The following MYO5B variants were observed in gnomAD, a reference collection of about 807,000 sequenced individuals.
MYO5B encodes the protein myosin VB.
A neutral mutation model predicts 229.3 loss-of-function variants in MYO5B; 143 were observed. The ratio of observed to expected loss-of-function variants is 0.62; its 90% CI spans 0.54 to 0.72. MYO5B has a LOEUF of 0.72. Ranked by LOEUF, MYO5B falls within the 30% of genes least tolerant of loss-of-function variation. The pLI is 0.00. For synonymous variants in MYO5B, 918 were observed against 885.2 expected (o/e 1.04, Z -0.66); for missense variants, 2,321 against 2,331.0 (o/e 1.00, Z 0.09).
At chr18:50,158,771 T>G (rs574463508) in intron 1 of MYO5B, among the ~76,000 whole-genome samples, 31 of 152,144 alleles carry the variant, frequency 2.0e-4, no homozygotes, top group Non-Finnish European at 4.1e-4. Context: ...CCCATTATGG[T>G]CTCCCTAAGG....
intron 22 of MYO5B, among the ~76,000 whole-genome samples, chr18:49,882,210 C>A (rs559023698): frequency 6.6e-6 from 1 of 152,274 alleles, no homozygotes; most frequent in Admixed American, 6.5e-5. Context: ...GCTGGCTGAT[C>A]CGTCACCATT....
chr18:49,919,878 G>T (rs1268842327), intron 17 of MYO5B, among the ~76,000 whole-genome samples: 1 of 152,190 alleles, frequency 6.6e-6, no homozygotes, highest in Admixed American at 6.5e-5. Flanking sequence ...GTTCATAGCA[G>T]CATTCTTACT....
At chr18:50,003,755 A>G (rs1724495232) in intron 4 of MYO5B, among the ~76,000 whole-genome samples, 3 of 152,242 alleles carry the variant, frequency 2.0e-5, no homozygotes, top group Admixed American at 2.0e-4. Context: ...TTGTGTGTTC[A>G]GCCCCAGATA....
intron 4 of MYO5B, among the ~76,000 whole-genome samples, chr18:50,006,553 A>G (rs571072823): frequency 6.6e-6 from 1 of 152,228 alleles, no homozygotes; most frequent in South Asian, 2.1e-4. Flanking sequence ...CCTGACAACC[A>G]ACACATCCAC....
In MYO5B at chr18:49,885,506, G is replaced by A. The variant is rs141881910; in HGVS notation, c.3046-5051C>T. On this transcript the variant is annotated intron_variant, in intron 22 of 39. Coordinates refer to ENST00000285039, the MANE Select transcript of MYO5B (RefSeq NM_001080467.3). The stretch of plus-strand genomic sequence containing the variant: ...TAAAACCCAGAGAGGTGGCCCTAGG[G>A]ATATGGACTAAACCAGCAGAAGCCT... Among the ~76,000 whole-genome samples, 182 of 152,266 alleles carry A rather than the reference G, an allele frequency of 1.2e-3. 2 individuals carry two copies. Among genetic ancestry groups the A allele is most frequent in the African/African-American group, 4.2e-3 (175 of 41,538 alleles).
Position 49,937,818 on chromosome 18 carries a change from G to A in MYO5B, c.1753-421C>T, listed in dbSNP as rs943878467. Among the ~76,000 whole-genome samples, 5 of 151,310 alleles carry A rather than the reference G, an allele frequency of 3.3e-5. No homozygotes were observed. The East Asian group carries it at 9.8e-4, about 30-fold the overall frequency. On this transcript the variant is annotated intron_variant, in intron 14 of 39. Coordinates refer to ENST00000285039, the MANE Select transcript of MYO5B (RefSeq NM_001080467.3). ...TTATTGGTTGCTAGGGGTTGGGGGA[G>A]AAAGGGGAAGAGGAAGGGGAAGAAG...
chr18:49,836,731 T>C lies in MYO5B; in HGVS notation c.5293A>G (p.Thr1765Ala). ...TGTACCTGCTGGGTGCTGAGGGAGG[T>C]ACACAGGGAGCAGATAGCCTCTGCG... ...EDAEAICSLC[T>A]SLSTQQIVKI... Residue 1765 changes from threonine (T) to alanine (A), a missense_variant, in exon 38 of 40, where the codon ACC (threonine) becomes GCC (alanine). Thr to Ala is a moderately conservative substitution (Grantham distance 58). Coordinates refer to ENST00000285039, the MANE Select transcript of MYO5B (RefSeq NM_001080467.3). 1 of 1,614,014 alleles carries C rather than the reference T, an allele frequency of 6.2e-7. No individual in the cohort carries two copies. The highest frequency in any genetic ancestry group is 8.5e-7 in the Non-Finnish European group (1 of 1,179,970).
chr18:50,085,646 C>T (rs1263175977), intron 1 of MYO5B, among the ~76,000 whole-genome samples: 1 of 152,142 alleles, frequency 6.6e-6, no homozygotes, highest in African/African-American at 2.4e-5. Flanking sequence ...TTCACAATAG[C>T]AAAGACTTGG....
chr18:50,063,378 A>G (rs1354756632), intron 1 of MYO5B, among the ~76,000 whole-genome samples: 1 of 152,186 alleles, frequency 6.6e-6, no homozygotes, highest in Non-Finnish European at 1.5e-5. Flanking sequence ...AGAGCCACCT[A>G]AGTAACTAAA....
intron 1 of MYO5B, chr18:50,064,481 G>A (rs2030770178): frequency 6.6e-6 from 1 of 152,166 alleles, no homozygotes; most frequent in African/African-American, 2.4e-5. Context: ...TCCCTAAACA[G>A]AGCAATCAAG....
chr18:50,189,382 T>G (rs2033197264), intron 1 of MYO5B, among the ~76,000 whole-genome samples: 1 of 152,156 alleles, frequency 6.6e-6, no homozygotes, highest in Non-Finnish European at 1.5e-5. Flanking sequence ...ACAAAGAAAC[T>G]GAAAACAGTA....
In MYO5B at chr18:49,853,647, C is replaced by A. The variant is rs1456855247; in HGVS notation, c.4023G>T (p.Arg1341Ser). 2 of 1,611,940 alleles carry A rather than the reference C, an allele frequency of 1.2e-6. No homozygotes were observed. The highest frequency in any genetic ancestry group is 2.7e-5 in the African/African-American group (2 of 74,926). ...LAYQGLKQVARLLEAQLQAQS... is the reference protein window; with the variant it reads ...LAYQGLKQVASLLEAQLQAQS... ...GGGCCTGCAGCTGAGCCTCCAGCAG[C>A]CTGTGCCAGGGAGAGGACAGGTGAG... Residue 1341 changes from arginine (R) to serine (S), a missense_variant and splice_region_variant, in exon 31 of 40, where the codon AGG becomes AGT. By Grantham distance (110) the Arg-to-Ser change is moderately radical. This residue lies in a region of MYO5B where 2,113 missense variants were observed against 2,044.7 expected (regional missense o/e 1.03). Coordinates refer to ENST00000285039, the MANE Select transcript of MYO5B (RefSeq NM_001080467.3).
chr18:49,932,814 C>T (rs980307488), intron 16 of MYO5B, among the ~76,000 whole-genome samples: 4 of 152,136 alleles, frequency 2.6e-5, no homozygotes, highest in Non-Finnish European at 4.4e-5. Context: ...TGTACTTCCT[C>T]TCCCCAACAG....
At position 50,144,104 on chromosome 18, in the gene MYO5B, G is replaced by C. The variant is rs181913099; in HGVS notation, c.27+50663C>G. ...AGTGAGTCACAGAACACAGAGACCA[G>C]AGGATCAAGGTAACCACTTCTGCCC... On this transcript the variant is annotated intron_variant, in intron 1 of 39. Coordinates refer to ENST00000285039, the MANE Select transcript of MYO5B (RefSeq NM_001080467.3). 4.8e-4 allele frequency among the ~76,000 whole-genome samples: 73 copies of C among 152,254 alleles called. 1 individual carries two copies. The highest frequency in any genetic ancestry group is 3.3e-3 in the Admixed American group (51 of 15,296).
chr18:50,163,549 TC>T (rs1298138938), intron 1 of MYO5B, among the ~76,000 whole-genome samples: 6 of 152,180 alleles, frequency 3.9e-5, no homozygotes, highest in Admixed American at 6.5e-5. Flanking sequence ...TCTCCTCCTA[TC>T]TTATTTCAAT....
Position 49,930,868 on chromosome 18 carries a change from GGTGACAGAGT to G in MYO5B, c.2004-1280_2004-1271del, listed in dbSNP as rs571169511. 4.1e-4 allele frequency among the ~76,000 whole-genome samples: 61 copies of G among 148,642 alleles called. 2 individuals carry two copies. In the South Asian group the frequency reaches 0.013, roughly 31 times the overall value. On this transcript the variant is annotated intron_variant, in intron 16 of 39. Coordinates refer to ENST00000285039, the MANE Select transcript of MYO5B (RefSeq NM_001080467.3). ...GATCGTGCCACTGCACTGCAGCCTG[GGTGACAGAGT>G]GAGACTCTGTCTCAAAAAAAAACAC...
chr18:50,007,935 C>T (rs188521346), intron 4 of MYO5B, among the ~76,000 whole-genome samples: 2 of 152,268 alleles, frequency 1.3e-5, no homozygotes, highest in Admixed American at 6.5e-5. Context: ...AAATGATGCA[C>T]CCAGAATTCC....
Position 50,100,857 on chromosome 18 carries a change from G to A in MYO5B, c.28-45479C>T, listed in dbSNP as rs1599020635. The stretch of plus-strand genomic sequence containing the variant: ...CGGAAGTGGCTGAGGGAGAGCTGGA[G>A]CCAGCAGCATCACCCGAAACTGCAG... On this transcript the variant is annotated intron_variant, in intron 1 of 39. Coordinates refer to ENST00000285039, the MANE Select transcript of MYO5B (RefSeq NM_001080467.3). Among the ~76,000 whole-genome samples, 4 of 152,212 alleles carry A rather than the reference G, an allele frequency of 2.6e-5. No homozygotes were observed. In the South Asian group the frequency reaches 8.3e-4, roughly 32 times the overall value.
intron 1 of MYO5B, among the ~76,000 whole-genome samples, chr18:50,143,664 T>C (rs1667528343): frequency 6.6e-6 from 1 of 152,102 alleles, no homozygotes; most frequent in South Asian, 2.1e-4. Flanking sequence ...TGACTACAGG[T>C]AGAAGGAATA....
Sources: gnomAD v4.1 joint callset for allele counts (sites outside exome capture counted in the v4.1 genomes callset) on GRCh38, gnomAD v4.1.1 for gene constraint, gnomAD v4.1.1 regional missense constraint, MANE v1.5 for transcripts, NCBI Gene and HGNC (gene_info 2026-07-23, HGNC 2026-07-21) for gene names.